PDZRN3: variants seen among roughly 807,000 people sequenced by gnomAD.
The protein encoded by PDZRN3 is PDZ domain containing ring finger 3, also known as E3 ubiquitin-protein ligase PDZRN3.
In PDZRN3, 38 loss-of-function variants were observed where a neutral mutation model predicts 85.7. The observed-to-expected ratio is 0.44, with a 90% CI of 0.34 to 0.58. PDZRN3 has a LOEUF of 0.58. Ranked by LOEUF, PDZRN3 falls within the 20% of genes least tolerant of loss-of-function variation. The pLI is 0.01. For synonymous variants in PDZRN3, 759 were observed against 638.0 expected (o/e 1.19, Z -2.86); for missense variants, 1,629 against 1,506.4 (o/e 1.08, Z -1.35).
intron 3 of PDZRN3, among the ~76,000 whole-genome samples, chr3:73,472,608 C>T (rs1208703302): frequency 1.3e-5 from 2 of 152,210 alleles, no homozygotes; most frequent in Non-Finnish European, 1.5e-5. Context: ...GACCACAGCA[C>T]TTTGTCTCTC....
chr3:73,573,169 C>A lies in PDZRN3; in HGVS notation c.918+29185G>T, dbSNP rs533837924. 4.6e-5 allele frequency among the ~76,000 whole-genome samples: 7 copies of A among 152,290 alleles called. No individual in the cohort carries two copies. In the East Asian group the frequency reaches 1.4e-3, roughly 29 times the overall value. On this transcript the variant is annotated intron_variant, in intron 3 of 9. Coordinates refer to ENST00000263666, the MANE Select transcript of PDZRN3 (RefSeq NM_015009.3). ...GACCCTCTCTGGCAAGACAAGACCC[C>A]AGAACATATTAAGGTAGGACCCCAG...
chr3:73,529,248 T>TA (rs1442413319), intron 3 of PDZRN3, among the ~76,000 whole-genome samples: 1 of 152,222 alleles, frequency 6.6e-6, no homozygotes, highest in Non-Finnish European at 1.5e-5. Flanking sequence ...GCTTCTTGTT[T>TA]AGTAGCTGTG....
chr3:73,404,675 A>T, intron 3 of PDZRN3: 2 of 358,612 alleles, frequency 5.6e-6, no homozygotes, highest in Non-Finnish European at 1.0e-5. Context: ...TCACTTGCTA[A>T]TCTTGCCTGT....
intron 3 of PDZRN3, among the ~76,000 whole-genome samples, chr3:73,525,113 C>A (rs1704491918): frequency 6.6e-6 from 1 of 151,530 alleles, no homozygotes; most frequent in African/African-American, 2.4e-5. Context: ...TAGGTACTAG[C>A]AGAAAGGTTT....
chr3:73,412,958 T>A (rs1702002994), intron 3 of PDZRN3, among the ~76,000 whole-genome samples: 1 of 152,168 alleles, frequency 6.6e-6, no homozygotes, highest in Non-Finnish European at 1.5e-5. Context: ...CTGCCATTTA[T>A]CAGATGTGTG....
chr3:73,573,784 T>C (rs1362517207), intron 3 of PDZRN3, among the ~76,000 whole-genome samples: 1 of 147,230 alleles, frequency 6.8e-6, no homozygotes, highest in African/African-American at 2.5e-5. Flanking sequence ...CATATACATA[T>C]ACATATACAT....
chr3:73,592,246 A>G (rs1702367726), intron 3 of PDZRN3, among the ~76,000 whole-genome samples: 1 of 152,236 alleles, frequency 6.6e-6, no homozygotes, highest in Non-Finnish European at 1.5e-5. Context: ...AAAAGAACAA[A>G]AAAAACCTGT....
At chr3:73,565,819 A>T (rs2106841070) in intron 3 of PDZRN3, among the ~76,000 whole-genome samples, 1 of 150,448 alleles carries the variant, frequency 6.6e-6, no homozygotes, top group East Asian at 2.0e-4. Context: ...ACACACACAC[A>T]CACACACACA....
At chr3:73,461,264 G>C (rs962152186) in intron 3 of PDZRN3, among the ~76,000 whole-genome samples, 19 of 152,100 alleles carry the variant, frequency 1.2e-4, no homozygotes, top group Admixed American at 6.5e-5. Context: ...AGAACCATTA[G>C]CCAGGCTTAT....
At chr3:73,601,285 C>T (rs1221089476) in intron 3 of PDZRN3, among the ~76,000 whole-genome samples, 1 of 152,170 alleles carries the variant, frequency 6.6e-6, no homozygotes, top group Non-Finnish European at 1.5e-5. Flanking sequence ...TCACTTATGG[C>T]TTAGCTCGTG....
At chr3:73,597,823 A>C (rs1176056843) in intron 3 of PDZRN3, among the ~76,000 whole-genome samples, 2 of 151,790 alleles carry the variant, frequency 1.3e-5, no homozygotes, top group Non-Finnish European at 2.9e-5. Context: ...GTTTCTTAGT[A>C]GGCCTCAGTT....
At chr3:73,503,687 A>T (rs4476452) in intron 3 of PDZRN3, among the ~76,000 whole-genome samples, 1 of 152,102 alleles carries the variant, frequency 6.6e-6, no homozygotes, top group Non-Finnish European at 1.5e-5. Flanking sequence ...AAAATGTAAC[A>T]CAGCATTTAT....
chr3:73,621,216 T>C (rs1429303384), intron 1 of PDZRN3, among the ~76,000 whole-genome samples: 2 of 152,174 alleles, frequency 1.3e-5, no homozygotes, highest in Non-Finnish European at 2.9e-5. Context: ...AGAGACAACG[T>C]CTATGCTGGT....
At chr3:73,485,588 T>G (rs1011792143) in intron 3 of PDZRN3, among the ~76,000 whole-genome samples, 1 of 152,184 alleles carries the variant, frequency 6.6e-6, no homozygotes, top group African/African-American at 2.4e-5. Flanking sequence ...TATTTTAGCA[T>G]AGGTGAGAGT....
At chr3:73,484,398 AG>A (rs1272214764) in intron 3 of PDZRN3, among the ~76,000 whole-genome samples, 2 of 152,052 alleles carry the variant, frequency 1.3e-5, no homozygotes, top group African/African-American at 2.4e-5. Flanking sequence ...GTGAGGTCAG[AG>A]GATCATTTTC....
chr3:73,517,604 G>A (rs1163923820), intron 3 of PDZRN3, among the ~76,000 whole-genome samples: 1 of 152,172 alleles, frequency 6.6e-6, no homozygotes, highest in African/African-American at 2.4e-5. Context: ...GAAACTACAG[G>A]ATATTTGTAG....
intron 3 of PDZRN3, among the ~76,000 whole-genome samples, chr3:73,436,264 T>C (rs1702529315): frequency 6.6e-6 from 1 of 152,228 alleles, no homozygotes; most frequent in African/African-American, 2.4e-5. Context: ...GCCTTTTGGC[T>C]TCCTGAGGAC....
chr3:73,405,579 C>T (rs905369393), intron 3 of PDZRN3, among the ~76,000 whole-genome samples: 1 of 152,168 alleles, frequency 6.6e-6, no homozygotes, highest in Non-Finnish European at 1.5e-5. Flanking sequence ...CACATGGCTG[C>T]AGAAGTTGCT....
Position 73,624,410 on chromosome 3 carries a change from A to G in PDZRN3, c.416T>C (p.Val139Ala). 1 of 1,303,336 alleles carries G rather than the reference A, an allele frequency of 7.7e-7. No homozygotes were observed. Among genetic ancestry groups the G allele is most frequent in the Non-Finnish European group, 9.7e-7 (1 of 1,031,244 alleles). 80.7% of individuals were successfully genotyped at this position (1,303,336 alleles called of 1,614,324 possible). A position where few individuals can be genotyped will look rare whatever the true frequency, so the allele number is the denominator to read the frequency against. The part of the protein sequence containing the change: ...HMRDACDARP[V>A]GRCQEGCGLP... ...CCCGCAGCCCTCCTGGCAGCGGCCC[A>G]CTGGCCGCGCGTCGCAGGCGTCGCG... The change falls in exon 1 of 10, where the codon GTG (valine) becomes GCG (alanine). Residue 139 changes from valine (V) to alanine (A), a missense_variant. Coordinates refer to ENST00000263666, the MANE Select transcript of PDZRN3 (RefSeq NM_015009.3).
Sources: gnomAD v4.1 joint callset for allele counts (sites outside exome capture counted in the v4.1 genomes callset) on GRCh38, gnomAD v4.1.1 for gene constraint, MANE v1.5 for transcripts, NCBI Gene and HGNC (gene_info 2026-07-23, HGNC 2026-07-21) for gene names.